The following ROBO1 variants were observed in gnomAD, a reference collection of about 807,000 sequenced individuals.
The protein encoded by ROBO1 is roundabout homolog 1.
Under a neutral mutation model 195.9 loss-of-function variants are expected in ROBO1, and 149 were observed. That is an observed-to-expected ratio of 0.76 (90% CI 0.67 to 0.87). ROBO1 has a LOEUF of 0.87. ROBO1 is among the 40% of genes least tolerant of loss of function. The pLI, the probability that ROBO1 is intolerant of heterozygous loss-of-function variation, is 0.00. For synonymous variants in ROBO1, 816 were observed against 733.2 expected (o/e 1.11, Z -1.82); for missense variants, 1,933 against 2,068.3 (o/e 0.93, Z 1.27).
chr3:79,425,009 C>T (rs1391119807), intron 2 of ROBO1, among the ~76,000 whole-genome samples: 2 of 152,218 alleles, frequency 1.3e-5, no homozygotes, highest in African/African-American at 2.4e-5. Context: ...CAGCTGATAG[C>T]GACATGCTCC....
In ROBO1 at chr3:78,667,960, T is replaced by C. The variant is rs1336544394; in HGVS notation, c.1889A>G (p.Tyr630Cys). Residue 630 changes from tyrosine to cysteine, a missense_variant, in exon 14 of 31, where the codon TAC becomes TGC. By Grantham distance (194) the Tyr-to-Cys change is radical. Transcript: ENST00000464233. The part of the protein sequence containing the change: ...AIKGLKPNAI[Y>C]LFLVRAANAY... ...ATTAGCTGCCCTCACAAGGAAAAGG[T>C]AAATTGCATTAGGTTTGAGTCCTTT... The C allele has an allele frequency of 1.2e-6, 2 of 1,613,716 alleles. No individual in the cohort carries two copies. The highest frequency in any genetic ancestry group is 8.5e-7 in the Non-Finnish European group (1 of 1,179,802).
intron 3 of ROBO1, among the ~76,000 whole-genome samples, chr3:79,119,797 TTCTAAC>T (rs2080082297): frequency 6.6e-6 from 1 of 151,682 alleles, no homozygotes; most frequent in Non-Finnish European, 1.5e-5. Context: ...TTGAGAAAGA[TTCTAAC>T]TCTCTTGACC....
intron 2 of ROBO1, among the ~76,000 whole-genome samples, chr3:79,513,798 A>G (rs1005967128): frequency 2.0e-5 from 3 of 152,202 alleles, no homozygotes; most frequent in African/African-American, 7.2e-5. Context: ...TTTTAAAGGT[A>G]ATGTTATTGC....
In ROBO1 at chr3:78,836,350, A is replaced by G. The variant is rs575656436; in HGVS notation, c.500-89450T>C. 7.9e-5 allele frequency among the ~76,000 whole-genome samples: 12 copies of G among 151,970 alleles called. No homozygotes were observed. The East Asian group carries it at 2.0e-3, about 25-fold the overall frequency. ...ACACGGTGAAACCCCGTCTCCACTA[A>G]AAATACAAAACATTAGCGGGGTGTG... On this transcript the variant is annotated intron_variant, in intron 4 of 30. Coordinates refer to ENST00000464233, the MANE Select transcript of ROBO1 (RefSeq NM_002941.4).
intron 1 of ROBO1, among the ~76,000 whole-genome samples, chr3:79,615,961 C>G (rs1560040780): frequency 6.6e-6 from 1 of 152,158 alleles, no homozygotes; most frequent in Non-Finnish European, 1.5e-5. Flanking sequence ...TGAATTGCAG[C>G]AAGAGTCTAG....
intron 1 of ROBO1, among the ~76,000 whole-genome samples, chr3:79,600,187 A>G (rs1944299178): frequency 1.3e-5 from 2 of 152,046 alleles, no homozygotes; most frequent in South Asian, 4.1e-4. Flanking sequence ...GCTAAAGTGA[A>G]TTCAGTTGCA....
chr3:79,368,461 G>T (rs1278402007), intron 2 of ROBO1, among the ~76,000 whole-genome samples: 1 of 152,144 alleles, frequency 6.6e-6, no homozygotes, highest in Non-Finnish European at 1.5e-5. Flanking sequence ...CAGCAACTCA[G>T]TGGGCTCAGG....
chr3:79,688,350 C>T (rs1947195734), intron 1 of ROBO1, among the ~76,000 whole-genome samples: 1 of 152,008 alleles, frequency 6.6e-6, no homozygotes, highest in Non-Finnish European at 1.5e-5. Context: ...CACATGTACC[C>T]TAAAACTTAA....
intron 2 of ROBO1, among the ~76,000 whole-genome samples, chr3:79,243,128 C>A (rs1249454811): frequency 6.6e-6 from 1 of 151,868 alleles, no homozygotes; most frequent in African/African-American, 2.4e-5. Context: ...ATGATGGTTT[C>A]CAGCTTCATC....
At chr3:79,324,926 T>C (rs1576977106) in intron 2 of ROBO1, among the ~76,000 whole-genome samples, 3 of 152,150 alleles carry the variant, frequency 2.0e-5, no homozygotes, top group South Asian at 2.1e-4. Context: ...GTGGAAAGTA[T>C]AGTCTTCGAG....
chr3:79,625,793 G>A (rs916716415), intron 1 of ROBO1, among the ~76,000 whole-genome samples: 1 of 152,132 alleles, frequency 6.6e-6, no homozygotes, highest in Non-Finnish European at 1.5e-5. Flanking sequence ...GGGGGAACTG[G>A]TACGATTCCT....
chr3:79,627,870 G>A (rs544412245), intron 1 of ROBO1, among the ~76,000 whole-genome samples: 10 of 152,150 alleles, frequency 6.6e-5, no homozygotes, highest in South Asian at 4.1e-4. Context: ...AGACATTTAC[G>A]TGGCCAACAA....
At chr3:79,625,338 A>C (rs76393854) in intron 1 of ROBO1, among the ~76,000 whole-genome samples, 2 of 149,822 alleles carry the variant, frequency 1.3e-5, no homozygotes, top group African/African-American at 4.9e-5. Context: ...AAGACAAGAA[A>C]TAACGAAGAT....
At chr3:79,550,406 C>G (rs1161956325) in intron 2 of ROBO1, among the ~76,000 whole-genome samples, 1 of 151,998 alleles carries the variant, frequency 6.6e-6, no homozygotes, top group Non-Finnish European at 1.5e-5. Context: ...CATGGTAAGC[C>G]AGGATTACAG....
chr3:79,375,576 G>A (rs1018130163), intron 2 of ROBO1, among the ~76,000 whole-genome samples: 3 of 152,166 alleles, frequency 2.0e-5, no homozygotes, highest in Non-Finnish European at 4.4e-5. Flanking sequence ...TAAATTCGAT[G>A]CTTCTCAGGG....
intron 3 of ROBO1, among the ~76,000 whole-genome samples, chr3:78,988,732 T>C (rs1299113047): frequency 6.6e-6 from 1 of 152,222 alleles, no homozygotes; most frequent in Non-Finnish European, 1.5e-5. Context: ...TTTACAGATT[T>C]AAAATGGGCT....
At chr3:78,609,419 GCCACA>G (rs1703656902) in intron 28 of ROBO1, among the ~76,000 whole-genome samples, 1 of 152,202 alleles carries the variant, frequency 6.6e-6, no homozygotes, top group African/African-American at 2.4e-5. Context: ...ATATAAAATG[GCCACA>G]CCTGGGATGA....
chr3:78,884,607 AAGAG>A (rs1240449440), intron 4 of ROBO1, among the ~76,000 whole-genome samples: 15 of 140,254 alleles, frequency 1.1e-4, no homozygotes, highest in South Asian at 2.3e-4. Context: ...GAAAGAGAGA[AAGAG>A]AGAAAGAAAG....
intron 1 of ROBO1, among the ~76,000 whole-genome samples, chr3:79,693,257 A>C (rs1320412213): frequency 2.0e-5 from 3 of 151,918 alleles, no homozygotes; most frequent in Non-Finnish European, 2.9e-5. Context: ...ATACATACAT[A>C]CAAACTTTGT....
Sources: allele counts gnomAD v4.1 joint callset (sites outside exome capture counted in the v4.1 genomes callset), GRCh38; gene constraint gnomAD v4.1.1; transcripts MANE v1.5; gene names NCBI Gene and HGNC (gene_info 2026-07-23, HGNC 2026-07-21).